The following SYNJ2BP variants were observed in gnomAD, a reference collection of about 807,000 sequenced individuals.
The protein encoded by SYNJ2BP is synaptojanin 2 binding protein.
A neutral mutation model predicts 16.9 loss-of-function variants in SYNJ2BP; 10 were observed. That is an observed-to-expected ratio of 0.59 (90% CI 0.36 to 1.00). The LOEUF (loss-of-function observed/expected upper bound fraction) is 1.00, where lower values mean the gene tolerates loss of function less well. Among genes scored for constraint, SYNJ2BP ranks in the 50% least tolerant of loss-of-function variants. SYNJ2BP has a pLI of 0.01. For missense variants in SYNJ2BP, 162 were observed against 186.7 expected (o/e 0.87, Z 0.77); for synonymous variants, 54 against 68.4 (o/e 0.79, Z 1.04).
chr14:70,382,958 G>A (rs1887783994), intron 2 of SYNJ2BP, among the ~76,000 whole-genome samples: 1 of 152,180 alleles, frequency 6.6e-6, no homozygotes, highest in African/African-American at 2.4e-5. Flanking sequence ...CATAGAGAAA[G>A]AATGGGCTCA....
intron 2 of SYNJ2BP, 64 bp from the exon 3 acceptor site, chr14:70,375,835 C>T: frequency 6.3e-7 from 1 of 1,590,012 alleles, no homozygotes; most frequent in Non-Finnish European, 8.6e-7. Context: ...AATTTATTTT[C>T]AAATGGCCAA....
At chr14:70,405,834 G>C (rs548020870) in intron 1 of SYNJ2BP, among the ~76,000 whole-genome samples, 1 of 152,146 alleles carries the variant, frequency 6.6e-6, no homozygotes, top group Non-Finnish European at 1.5e-5. Context: ...AATAAAAAGA[G>C]AAAAAGATGT....
rs1888630641 is a variant in SYNJ2BP, at chr14:70,417,048, A to G, written c.-85T>C. 1 of 1,601,088 alleles carries G rather than the reference A, an allele frequency of 6.2e-7. No homozygotes were observed. The highest frequency in any genetic ancestry group is 8.5e-7 in the Non-Finnish European group (1 of 1,171,716). On this transcript the variant is annotated 5_prime_UTR_variant, in exon 1 of 4. Coordinates refer to ENST00000256366, the MANE Select transcript of SYNJ2BP (RefSeq NM_018373.3). ...GAATCAATCTCGGCGCTGCGCCCACAGCACAGCGGTTTCGGTTTCAGCAGC... is the reference window on the plus strand; with the variant it reads ...GAATCAATCTCGGCGCTGCGCCCACGGCACAGCGGTTTCGGTTTCAGCAGC...
intron 1 of SYNJ2BP, among the ~76,000 whole-genome samples, chr14:70,413,052 T>A (rs1888523149): frequency 6.6e-6 from 1 of 152,228 alleles, no homozygotes; most frequent in South Asian, 2.1e-4. Flanking sequence ...AAAGGTAAAC[T>A]GTTCAACCCT....
intron 1 of SYNJ2BP, among the ~76,000 whole-genome samples, chr14:70,410,132 AC>A (rs752932254): frequency 1.9e-4 from 29 of 152,168 alleles, no homozygotes; most frequent in Non-Finnish European, 3.8e-4. Context: ...ATAAATAAGT[AC>A]ATTGGGTGTG....
At chr14:70,377,285 C>A (rs74065329) in intron 2 of SYNJ2BP, among the ~76,000 whole-genome samples, 2,329 of 152,296 alleles carry the variant, frequency 0.015, 36 homozygotes, top group South Asian at 0.035. Context: ...TCCCCAAGAT[C>A]TTCTGCCATC....
At chr14:70,413,988 A>G (rs1888547482) in intron 1 of SYNJ2BP, among the ~76,000 whole-genome samples, 1 of 152,226 alleles carries the variant, frequency 6.6e-6, no homozygotes, top group Non-Finnish European at 1.5e-5. Context: ...TCTTCCATAG[A>G]TAGAAAGATC....
Position 70,411,061 on chromosome 14 carries a change from G to C in SYNJ2BP, c.64+5839C>G, listed in dbSNP as rs150477129. Among the ~76,000 whole-genome samples, 434 of 152,162 alleles carry C rather than the reference G, an allele frequency of 2.9e-3. 3 individuals carry two copies. The highest frequency in any genetic ancestry group is 6.3e-3 in the Admixed American group (96 of 15,276). ...AATATATGTTCTTTGACTCAGAAGA[G>C]CTCAAAGTGAAGTAGAAGGAGGAGA... On this transcript the variant is annotated intron_variant, in intron 1 of 3. Transcript: ENST00000256366.
At chr14:70,397,251 TTGA>T (rs1475729046) in intron 1 of SYNJ2BP, among the ~76,000 whole-genome samples, 3 of 151,302 alleles carry the variant, frequency 2.0e-5, no homozygotes, top group African/African-American at 7.3e-5. Flanking sequence ...CTGCTGTTAT[TTGA>T]TGATGTGTTC....
chr14:70,385,489 T>A (rs1156436487), intron 2 of SYNJ2BP, among the ~76,000 whole-genome samples: 3 of 152,030 alleles, frequency 2.0e-5, no homozygotes, highest in African/African-American at 7.2e-5. Flanking sequence ...CCTGAGTAGC[T>A]GGGGGACTAC....
At chr14:70,379,813 G>C (rs1414711474) in intron 2 of SYNJ2BP, among the ~76,000 whole-genome samples, 3 of 152,176 alleles carry the variant, frequency 2.0e-5, no homozygotes, top group Admixed American at 6.5e-5. Context: ...AAAGAAATAA[G>C]TACTTTCTTT....
intron 1 of SYNJ2BP, among the ~76,000 whole-genome samples, chr14:70,407,425 G>T (rs529220184): frequency 8.5e-6 from 1 of 117,060 alleles, no homozygotes. Flanking sequence ...GCGAGACTCC[G>T]TCTCAAAAAA....
chr14:70,393,434 C>G (rs1482848062), intron 1 of SYNJ2BP, among the ~76,000 whole-genome samples: 1 of 152,116 alleles, frequency 6.6e-6, no homozygotes, highest in Non-Finnish European at 1.5e-5. Context: ...CCATTTGACC[C>G]AGCAATCCCA....
At position 70,373,028 on chromosome 14, in the gene SYNJ2BP, G is replaced by A. The variant is rs1309794299; in HGVS notation, c.401C>T (p.Ala134Val). The A allele has an allele frequency of 3.1e-6, 5 of 1,614,130 alleles. No homozygotes were observed. The highest frequency in any genetic ancestry group is 1.1e-5 in the South Asian group (1 of 91,076). ...CCGGTATCTCATGAAAGCCCAGGCTGCTACCATGGTGAGGGCAAACACTGG... is the reference window on the plus strand; with the variant it reads ...CCGGTATCTCATGAAAGCCCAGGCTACTACCATGGTGAGGGCAAACACTGG... The part of the protein sequence containing the change: ...LVPVFALTMV[A>V]AWAFMRYRQQ... The change falls in exon 4 of 4, where the codon GCA (alanine) becomes GTA (valine). Residue 134 changes from alanine (A) to valine (V), a missense_variant. Transcript: ENST00000256366.
chr14:70,412,888 A>G (rs567065347), intron 1 of SYNJ2BP, among the ~76,000 whole-genome samples: 21 of 152,308 alleles, frequency 1.4e-4, no homozygotes, highest in Non-Finnish European at 2.5e-4. Flanking sequence ...TGCAGTGCAA[A>G]AAAACATATT....
intron 1 of SYNJ2BP, among the ~76,000 whole-genome samples, chr14:70,390,994 G>A (rs951139927): frequency 3.9e-5 from 6 of 152,058 alleles, no homozygotes; most frequent in Non-Finnish European, 5.9e-5. Flanking sequence ...AATTAGACAC[G>A]CGTGGTGGCA....
chr14:70,390,702 T>G (rs1392432687), intron 1 of SYNJ2BP, among the ~76,000 whole-genome samples: 2 of 151,650 alleles, frequency 1.3e-5, no homozygotes, highest in Admixed American at 6.6e-5. Flanking sequence ...TATGCGGGCT[T>G]TCTGAAAGTT....
intron 1 of SYNJ2BP, among the ~76,000 whole-genome samples, chr14:70,402,666 T>TA (rs34370869): frequency 7.0e-4 from 102 of 146,286 alleles, no homozygotes; most frequent in East Asian, 1.2e-3. Flanking sequence ...AAGCCTGCTT[T>TA]AAAAAAAAAA....
intron 1 of SYNJ2BP, among the ~76,000 whole-genome samples, chr14:70,405,614 A>G (rs1285708217): frequency 6.6e-6 from 1 of 152,178 alleles, no homozygotes; most frequent in Non-Finnish European, 1.5e-5. Context: ...TTTGGGGGCC[A>G]CTGATCTGCT....
Sources: gnomAD v4.1 joint callset for allele counts (sites outside exome capture counted in the v4.1 genomes callset) on GRCh38, gnomAD v4.1.1 for gene constraint, MANE v1.5 for transcripts, NCBI Gene and HGNC (gene_info 2026-07-23, HGNC 2026-07-21) for gene names.